The following DACH2 variants were observed in gnomAD, a reference collection of about 807,000 sequenced individuals.
DACH2 encodes dachshund homolog 2.
Under a neutral mutation model 35.8 loss-of-function variants are expected in DACH2, and 17 were observed. The observed-to-expected ratio is 0.48, with a 90% CI of 0.33 to 0.71. DACH2 has a LOEUF of 0.71. Ranked by LOEUF, DACH2 falls within the 30% of genes least tolerant of loss-of-function variation. The probability of loss-of-function intolerance (pLI) is 0.02; values close to 1 mark genes in which losing one functional copy is unlikely to be tolerated. For missense variants in DACH2, 469 were observed against 472.7 expected (o/e 0.99, Z 0.07); for synonymous variants, 195 against 177.3 (o/e 1.10, Z -0.79).
intron 1 of DACH2, among the ~76,000 whole-genome samples, chrX:86,295,444 C>T: frequency 8.9e-6 from 1 of 111,797 alleles, no homozygotes; most frequent in South Asian, 3.8e-4. Context: ...AGGTTTCATA[C>T]CCAACCAGTT....
At chrX:86,396,957 T>G (rs183878630) in intron 2 of DACH2, among the ~76,000 whole-genome samples, 9,696 of 110,726 alleles carry the variant, frequency 0.088, 1,099 homozygotes, top group African/African-American at 0.3. Context: ...GGGGATGGCA[T>G]TGAATCTGTA....
intron 3 of DACH2, among the ~76,000 whole-genome samples, chrX:86,524,571 C>A (rs974791985): frequency 8.9e-6 from 1 of 112,122 alleles, no homozygotes; most frequent in Non-Finnish European, 1.9e-5. Context: ...AAAGAAAAAG[C>A]TTAAACACAT....
chrX:86,813,369 G>C (rs2042413536), intron 9 of DACH2, 92 bp downstream of exon 9: 1 of 799,471 alleles, frequency 1.3e-6, no homozygotes, highest in Admixed American at 3.9e-5. Flanking sequence ...CTTGGAGGCT[G>C]AGGCGGGAGG....
intron 11 of DACH2, chrX:86,829,037 C>T (rs935663786): frequency 6.2e-5 from 7 of 112,039 alleles, no homozygotes; most frequent in African/African-American, 2.3e-4. Context: ...CATGGCAGTA[C>T]ATGCAATTTC....
chrX:86,192,068 A>G (rs1177914277), intron 1 of DACH2, among the ~76,000 whole-genome samples: 1 of 111,551 alleles, frequency 9.0e-6, no homozygotes, highest in African/African-American at 3.3e-5. Context: ...AGGTGAGGCA[A>G]TGTTGGTTCA....
chrX:86,628,871 G>T (rs938977739), intron 3 of DACH2, among the ~76,000 whole-genome samples: 1 of 111,794 alleles, frequency 8.9e-6, no homozygotes, highest in African/African-American at 3.3e-5. Flanking sequence ...CTGGAAAGTG[G>T]TTCATTATTG....
intron 4 of DACH2, among the ~76,000 whole-genome samples, chrX:86,691,137 T>C (rs192865700): frequency 8.9e-6 from 1 of 111,921 alleles, no homozygotes; most frequent in East Asian, 2.8e-4. Flanking sequence ...TTAAAAATGC[T>C]GTTCAGTTTC....
intron 4 of DACH2, among the ~76,000 whole-genome samples, chrX:86,675,958 T>C (rs1048000500): frequency 8.9e-6 from 1 of 111,925 alleles, no homozygotes; most frequent in Non-Finnish European, 1.9e-5. Flanking sequence ...GATAAAAATA[T>C]TAATCTGCTC....
At chrX:86,683,501 A>G (rs1247771741) in intron 4 of DACH2, among the ~76,000 whole-genome samples, 5 of 111,771 alleles carry the variant, frequency 4.5e-5, no homozygotes, top group Admixed American at 2.9e-4. Flanking sequence ...CTATTATACA[A>G]TCTGCTTTAA....
intron 3 of DACH2, among the ~76,000 whole-genome samples, chrX:86,559,834 C>T (rs1309536248): frequency 1.8e-5 from 1 of 54,242 alleles, no homozygotes; most frequent in Admixed American, 1.9e-4. Flanking sequence ...CTATGTGTGT[C>T]TCTGCACGTG....
At chrX:86,797,863 C>A (rs776588661) in intron 7 of DACH2, among the ~76,000 whole-genome samples, 1 of 111,644 alleles carries the variant, frequency 9.0e-6, no homozygotes, top group Admixed American at 9.6e-5. Flanking sequence ...AAGTGTATCA[C>A]ATGTCTTAAT....
intron 2 of DACH2, among the ~76,000 whole-genome samples, chrX:86,384,311 CA>C (rs2036091561): frequency 9.0e-6 from 1 of 111,508 alleles, no homozygotes; most frequent in Non-Finnish European, 1.9e-5. Flanking sequence ...AAAAGTTTGT[CA>C]GTGTAACTAA....
chrX:86,343,324 ATG>A (rs1336082397), intron 1 of DACH2, among the ~76,000 whole-genome samples: 36 of 110,907 alleles, frequency 3.2e-4, no homozygotes, highest in Non-Finnish European at 5.5e-4. Flanking sequence ...GAGCTGTTTG[ATG>A]TCTTTTCTTA....
chrX:86,628,029 T>G (rs1384701129), intron 3 of DACH2, among the ~76,000 whole-genome samples: 2 of 112,122 alleles, frequency 1.8e-5, no homozygotes, highest in Non-Finnish European at 3.8e-5. Context: ...AGAAGCATAC[T>G]TACCTACCAG....
chrX:86,791,808 G>A (rs1441961228), intron 7 of DACH2, among the ~76,000 whole-genome samples: 1 of 111,834 alleles, frequency 8.9e-6, no homozygotes, highest in Non-Finnish European at 1.9e-5. Flanking sequence ...TCTAACTAGA[G>A]ATTTAAGACA....
intron 1 of DACH2, among the ~76,000 whole-genome samples, chrX:86,344,799 T>C (rs927610552): frequency 1.8e-5 from 2 of 111,903 alleles, no homozygotes; most frequent in Admixed American, 1.9e-4. Context: ...CTTTGTCTCA[T>C]TGCTCCTAGG....
intron 3 of DACH2, among the ~76,000 whole-genome samples, chrX:86,543,841 G>A (rs1458437769): frequency 1.3e-5 from 1 of 75,926 alleles, no homozygotes; most frequent in Non-Finnish European, 2.5e-5. Flanking sequence ...ATTGTGGGGT[G>A]GGGGGAGGGG....
chrX:86,148,725 C>T lies in DACH2; in HGVS notation c.105C>T (p.Pro35=), dbSNP rs2030246931. 8.3e-7 allele frequency: 1 copy of T among 1,210,920 alleles called. No homozygotes were observed. Among genetic ancestry groups the T allele is most frequent in the Admixed American group, 2.2e-5 (1 of 45,965 alleles). The change falls in exon 1 of 12, where the codon CCC becomes CCT. Residue 35 remains proline, a synonymous_variant. Coordinates refer to ENST00000373125, the MANE Select transcript of DACH2 (RefSeq NM_053281.3). The part of the protein sequence containing the change: ...AEPLYSTPRE[P]PRLTPNMINS... ...CCCTGTACTCGACTCCCAGAGAGCCCCCTCGTCTTACTCCTAATATGATCA... is the reference window on the plus strand; with the variant it reads ...CCCTGTACTCGACTCCCAGAGAGCCTCCTCGTCTTACTCCTAATATGATCA...
intron 3 of DACH2, among the ~76,000 whole-genome samples, chrX:86,546,383 CTT>C (rs1491522733): frequency 1.0e-4 from 7 of 66,940 alleles, no homozygotes; most frequent in African/African-American, 5.6e-4. Flanking sequence ...TCTTCTTCTT[CTT>C]CTTCTTCTTC....
Sources: allele counts gnomAD v4.1 joint callset (sites outside exome capture counted in the v4.1 genomes callset), GRCh38; gene constraint gnomAD v4.1.1; transcripts MANE v1.5; gene names NCBI Gene and HGNC (gene_info 2026-07-23, HGNC 2026-07-21).